WDR49: variants seen among roughly 807,000 people sequenced by gnomAD.
WDR49 encodes the protein WD repeat domain 49, also known as cilia- and flagella-associated protein 337.
Under a neutral mutation model 119.5 loss-of-function variants are expected in WDR49, and 107 were observed. The ratio of observed to expected loss-of-function variants is 0.90; its 90% CI spans 0.77 to 1.05. The LOEUF is 1.05. Ranked by LOEUF, WDR49 falls within the 50% of genes least tolerant of loss-of-function variation. WDR49 has a pLI of 0.00. For synonymous variants in WDR49, 425 were observed against 418.8 expected (o/e 1.01, Z -0.18); for missense variants, 1,240 against 1,220.5 (o/e 1.02, Z -0.24).
intron 8 of WDR49, among the ~76,000 whole-genome samples, chr3:167,570,589 AC>A (rs1175775987): frequency 2.0e-5 from 3 of 152,248 alleles, no homozygotes; most frequent in African/African-American, 7.2e-5. Context: ...GGAAAAGTTT[AC>A]TATAAAATTT....
intron 3 of WDR49, among the ~76,000 whole-genome samples, chr3:167,623,845 A>C (rs1716983147): frequency 6.6e-6 from 1 of 152,056 alleles, no homozygotes; most frequent in Admixed American, 6.6e-5. Context: ...GAACTAACAC[A>C]TGACTTCAGA....
chr3:167,558,619 C>T (rs946162170), intron 9 of WDR49, among the ~76,000 whole-genome samples: 1 of 152,262 alleles, frequency 6.6e-6, no homozygotes, highest in East Asian at 1.9e-4. Flanking sequence ...TCATCCATGT[C>T]GCTATGTTTT....
chr3:167,581,600 G>T (rs1187747042), intron 7 of WDR49, among the ~76,000 whole-genome samples: 1 of 152,168 alleles, frequency 6.6e-6, no homozygotes, highest in Non-Finnish European at 1.5e-5. Flanking sequence ...CTCCCAGCCA[G>T]AGGTGGACAG....
intron 7 of WDR49, among the ~76,000 whole-genome samples, chr3:167,601,486 T>G (rs897462975): frequency 6.6e-6 from 1 of 152,160 alleles, no homozygotes; most frequent in African/African-American, 2.4e-5. Context: ...ATTAGTAAGA[T>G]TGAAGCTTTA....
intron 10 of WDR49, among the ~76,000 whole-genome samples, chr3:167,544,831 A>T (rs558925477): frequency 1.3e-4 from 20 of 151,840 alleles, no homozygotes; most frequent in Non-Finnish European, 2.4e-4. Flanking sequence ...AAACAAAAAT[A>T]AATAAATAGA....
At chr3:167,502,710 T>G (rs1577201741) in intron 17 of WDR49, among the ~76,000 whole-genome samples, 1 of 152,266 alleles carries the variant, frequency 6.6e-6, no homozygotes, top group East Asian at 1.9e-4. Flanking sequence ...TAATTTAGGG[T>G]ATCTAGCAGA....
At chr3:167,509,455 G>A (rs1388918637) in intron 16 of WDR49, among the ~76,000 whole-genome samples, 1 of 152,100 alleles carries the variant, frequency 6.6e-6, no homozygotes, top group African/African-American at 2.4e-5. Context: ...AATTATCAAA[G>A]GTTAATAAAC....
At chr3:167,636,896 C>T (rs985020973) in intron 2 of WDR49, among the ~76,000 whole-genome samples, 1 of 151,678 alleles carries the variant, frequency 6.6e-6, no homozygotes, top group African/African-American at 2.4e-5. Context: ...GACATTAGCC[C>T]TTTGTCAGGT....
At position 167,588,405 on chromosome 3, in the gene WDR49, A is replaced by C. The variant is rs1001028110; in HGVS notation, c.1276-12254T>G. Among the ~76,000 whole-genome samples the C allele has an allele frequency of 2.6e-5, 4 of 152,176 alleles. No homozygotes were observed. The East Asian group carries it at 7.7e-4, about 29-fold the overall frequency. Reference sequence around the variant, plus strand: ...TCTTGGCTATTGTTAACAGTGCTGCAACAAACATGGAAGTGCAGATATCTA... The same window carrying C: ...TCTTGGCTATTGTTAACAGTGCTGCCACAAACATGGAAGTGCAGATATCTA... On this transcript the variant is annotated intron_variant, in intron 7 of 18. Coordinates refer to ENST00000682715, the MANE Select transcript of WDR49 (RefSeq NM_001366157.1).
chr3:167,640,370 A>G (rs915111606), intron 2 of WDR49, among the ~76,000 whole-genome samples: 5 of 151,824 alleles, frequency 3.3e-5, no homozygotes, highest in East Asian at 1.9e-4. Context: ...TGACATTGCC[A>G]TCTGTTTTTT....
intron 7 of WDR49, among the ~76,000 whole-genome samples, chr3:167,593,548 C>T (rs1484960233): frequency 6.6e-6 from 1 of 152,010 alleles, no homozygotes; most frequent in African/African-American, 2.4e-5. Context: ...CTCAACACAG[C>T]TATTTTGAAT....
intron 7 of WDR49, among the ~76,000 whole-genome samples, chr3:167,594,835 C>G (rs1336702262): frequency 6.7e-6 from 1 of 149,346 alleles, no homozygotes; most frequent in Non-Finnish European, 1.5e-5. Context: ...TCTCACCACT[C>G]CTATTCAACA....
chr3:167,528,771 T>C (rs1474618867), intron 14 of WDR49, among the ~76,000 whole-genome samples: 5 of 151,990 alleles, frequency 3.3e-5, no homozygotes, highest in Non-Finnish European at 7.4e-5. Flanking sequence ...ATCCTAATTA[T>C]TTACATTCAA....
chr3:167,619,600 T>C (rs896915725), intron 5 of WDR49, among the ~76,000 whole-genome samples: 2 of 152,136 alleles, frequency 1.3e-5, no homozygotes, highest in Admixed American at 6.6e-5. Flanking sequence ...AACAGTTGGG[T>C]CCATGTTGAC....
chr3:167,600,080 A>T (rs554611112), intron 7 of WDR49, among the ~76,000 whole-genome samples: 1 of 152,056 alleles, frequency 6.6e-6, no homozygotes, highest in Admixed American at 6.5e-5. Context: ...CTGACCAGGG[A>T]CCTATCTTAT....
chr3:167,524,317 A>T (rs1243582701), intron 15 of WDR49, among the ~76,000 whole-genome samples: 1 of 151,996 alleles, frequency 6.6e-6, no homozygotes, highest in Non-Finnish European at 1.5e-5. Flanking sequence ...AGATAGATAG[A>T]TTGATTGATT....
chr3:167,566,046 A>C (rs776432271), intron 8 of WDR49, among the ~76,000 whole-genome samples: 2 of 152,080 alleles, frequency 1.3e-5, no homozygotes, highest in African/African-American at 2.4e-5. Context: ...ACTCTGCCTG[A>C]CTCTGAAACT....
At chr3:167,649,582 C>T (rs1312131398) in intron 2 of WDR49, among the ~76,000 whole-genome samples, 2 of 152,194 alleles carry the variant, frequency 1.3e-5, no homozygotes, top group Admixed American at 6.5e-5. Context: ...GAATTGACTA[C>T]TGAACTTCTC....
chr3:167,527,760 G>A, intron 15 of WDR49, 60 bp downstream of exon 15: 4 of 1,495,328 alleles, frequency 2.7e-6, no homozygotes, highest in Non-Finnish European at 3.6e-6. Flanking sequence ...ATAGAAATCA[G>A]CCCAAGTTAA....
Sources: gnomAD v4.1 joint callset for allele counts (sites outside exome capture counted in the v4.1 genomes callset) on GRCh38, gnomAD v4.1.1 for gene constraint, MANE v1.5 for transcripts, NCBI Gene and HGNC (gene_info 2026-07-23, HGNC 2026-07-21) for gene names.